The following TMEM132D variants were observed in gnomAD, a reference collection of about 807,000 sequenced individuals.
TMEM132D encodes mature OL transmembrane protein.
Under a neutral mutation model 62.3 loss-of-function variants are expected in TMEM132D, and 21 were observed. The ratio of observed to expected loss-of-function variants is 0.34; its 90% CI spans 0.24 to 0.49. The LOEUF is 0.49. Among genes scored for constraint, TMEM132D ranks in the 20% least tolerant of loss-of-function variants. TMEM132D has a pLI of 0.99. For synonymous variants in TMEM132D, 621 were observed against 575.6 expected, an observed-to-expected ratio of 1.08 and a Z score of -1.13; for missense variants, 1,346 against 1,402.8, an observed-to-expected ratio of 0.96 and a Z score of 0.65.
chr12:129,585,856 G>A (rs564083791), intron 2 of TMEM132D, among the ~76,000 whole-genome samples: 2 of 151,416 alleles, frequency 1.3e-5, no homozygotes, highest in Non-Finnish European at 2.9e-5. Flanking sequence ...TGTGTGTGAG[G>A]GGGTATATCT....
chr12:129,606,374 G>A (rs1878625481), intron 2 of TMEM132D, among the ~76,000 whole-genome samples: 2 of 152,192 alleles, frequency 1.3e-5, no homozygotes, highest in Admixed American at 6.5e-5. Context: ...TCATATGTAT[G>A]TAGGTAGAGA....
intron 5 of TMEM132D, among the ~76,000 whole-genome samples, chr12:129,147,995 G>A (rs1007200161): frequency 2.0e-5 from 3 of 152,148 alleles, no homozygotes; most frequent in South Asian, 2.1e-4. Flanking sequence ...GAGCCCATGC[G>A]CTTAAACAGG....
chr12:129,293,830 C>T (rs3922777), intron 4 of TMEM132D, among the ~76,000 whole-genome samples: 21,976 of 152,092 alleles, frequency 0.14, 1,733 homozygotes, highest in South Asian at 0.22. Context: ...GCTTCGCTCG[C>T]TTGCCCATCA....
At chr12:129,310,281 C>T (rs1011046685) in intron 4 of TMEM132D, among the ~76,000 whole-genome samples, 1 of 152,104 alleles carries the variant, frequency 6.6e-6, no homozygotes, top group African/African-American at 2.4e-5. Context: ...CAGGGCCTCC[C>T]CAGAAAACAG....
intron 1 of TMEM132D, among the ~76,000 whole-genome samples, chr12:129,765,870 G>A (rs562003012): frequency 8.5e-5 from 13 of 152,264 alleles, no homozygotes; most frequent in Admixed American, 3.9e-4. Flanking sequence ...TAACATGGCC[G>A]ATGAGCTGTG....
rs1186562042 is a variant in TMEM132D at position 129,849,322 on chromosome 12, T to G, written c.79+53939A>C. ...TATAAGCAAGGTTTTCTAAAATACA[T>G]GCCTAAATACCAAAAAATACAAGCA... is the stretch of plus-strand genomic sequence containing the variant. On this transcript the variant is annotated intron_variant, in intron 1 of 8. Transcript: ENST00000422113. Among the ~76,000 whole-genome samples the G allele has an allele frequency of 2.0e-5, 3 of 152,286 alleles. No homozygotes were observed. In the East Asian group the frequency reaches 5.8e-4, roughly 29 times the overall value.
At position 129,903,730 on chromosome 12, in the gene TMEM132D, G is replaced by C. The variant is rs1820427502; in HGVS notation, c.-391C>G. ...GCTCCGGCGGCTCCAGCTGCTCCCG[G>C]GCTGGCTAGCGGGCGCTGGCGCAGG... On this transcript the variant is annotated 5_prime_UTR_variant, in exon 1 of 9. Transcript: ENST00000422113. This position sits in a 1 kb window ranked among gnomAD's most constrained non-coding sequence, Gnocchi z 6.2. The C allele has an allele frequency of 6.5e-6, 1 of 154,320 alleles. No individual in the cohort carries two copies. Among genetic ancestry groups the C allele is most frequent in the Non-Finnish European group, 1.4e-5 (1 of 69,934 alleles). The allele number at this position is 154,320 out of a possible 1,614,324, so 9.6% of individuals were successfully genotyped here. A position where few individuals can be genotyped will look rare whatever the true frequency, so the allele number is the denominator to read the frequency against.
chr12:129,711,654 G>A (rs1479918540), intron 1 of TMEM132D, among the ~76,000 whole-genome samples: 1 of 149,486 alleles, frequency 6.7e-6, no homozygotes, highest in Admixed American at 6.7e-5. Flanking sequence ...TTCAACCCGG[G>A]AAGTGGAGGT....
chr12:129,474,510 G>A (rs968237322), intron 3 of TMEM132D, among the ~76,000 whole-genome samples: 3 of 152,178 alleles, frequency 2.0e-5, no homozygotes, highest in Non-Finnish European at 4.4e-5. Flanking sequence ...CAGTCTGCAG[G>A]CTTGACTTCC....
chr12:129,151,382 C>T (rs1280114553), intron 5 of TMEM132D, among the ~76,000 whole-genome samples: 1 of 152,118 alleles, frequency 6.6e-6, no homozygotes, highest in African/African-American at 2.4e-5. Flanking sequence ...GGTTAGATAC[C>T]CAGTGAGCAT....
At chr12:129,101,147 T>G (rs1484376498) in intron 5 of TMEM132D, among the ~76,000 whole-genome samples, 2 of 152,038 alleles carry the variant, frequency 1.3e-5, no homozygotes, top group African/African-American at 4.8e-5. Context: ...GCAGTGCCAG[T>G]TAATGGCAGG....
chr12:129,493,530 T>C (rs1874861603), intron 3 of TMEM132D, among the ~76,000 whole-genome samples: 1 of 152,220 alleles, frequency 6.6e-6, no homozygotes, highest in Non-Finnish European at 1.5e-5. Flanking sequence ...GTCTGTACAA[T>C]AAATAGGATA....
intron 3 of TMEM132D, among the ~76,000 whole-genome samples, chr12:129,471,474 C>T (rs1874090775): frequency 6.6e-6 from 1 of 152,128 alleles, no homozygotes; most frequent in African/African-American, 2.4e-5. Context: ...TCTGCCTGCT[C>T]CACCAACCAG....
chr12:129,426,247 C>T (rs1373065876), intron 3 of TMEM132D, among the ~76,000 whole-genome samples: 1 of 152,128 alleles, frequency 6.6e-6, no homozygotes, highest in African/African-American at 2.4e-5. Context: ...ATCTCCCTCC[C>T]CCTGCCAATA....
At chr12:129,243,449 G>A (rs1353909921) in intron 4 of TMEM132D, among the ~76,000 whole-genome samples, 6 of 152,282 alleles carry the variant, frequency 3.9e-5, no homozygotes, top group Middle Eastern at 3.4e-3. Context: ...CTTGATATCT[G>A]TGGATATGTT....
intron 5 of TMEM132D, among the ~76,000 whole-genome samples, chr12:129,114,079 G>C (rs546005242): frequency 2.6e-5 from 4 of 152,246 alleles, no homozygotes; most frequent in African/African-American, 9.6e-5. Context: ...ACATCCCTCA[G>C]CAACAGACAG....
intron 2 of TMEM132D, among the ~76,000 whole-genome samples, chr12:129,694,489 T>G (rs1471520240): frequency 1.3e-5 from 2 of 152,242 alleles, no homozygotes; most frequent in East Asian, 3.8e-4. Context: ...GTGGATGAAC[T>G]GCAACCTAGC....
intron 3 of TMEM132D, among the ~76,000 whole-genome samples, chr12:129,358,788 A>C (rs1870154929): frequency 6.6e-6 from 1 of 152,138 alleles, no homozygotes; most frequent in African/African-American, 2.4e-5. Flanking sequence ...GGGTAGAGGC[A>C]AAGGGAATTC....
intron 1 of TMEM132D, among the ~76,000 whole-genome samples, chr12:129,700,982 A>C (rs1881372869): frequency 6.6e-6 from 1 of 152,186 alleles, no homozygotes; most frequent in Admixed American, 6.5e-5. Context: ...TCCACTCGTG[A>C]TAATGGTGTT....
Sources: allele counts gnomAD v4.1 joint callset (sites outside exome capture counted in the v4.1 genomes callset), GRCh38; gene constraint gnomAD v4.1.1; non-coding constraint Gnocchi (gnomAD v3.1); transcripts MANE v1.5; gene names NCBI Gene and HGNC (gene_info 2026-07-23, HGNC 2026-07-21).